The following PLXNB2 variants were observed in gnomAD, a reference collection of about 807,000 sequenced individuals.
The protein encoded by PLXNB2 is plexin B2.
A neutral mutation model predicts 202.6 loss-of-function variants in PLXNB2; 85 were observed. The ratio of observed to expected loss-of-function variants is 0.42; its 90% CI spans 0.35 to 0.50. The LOEUF (loss-of-function observed/expected upper bound fraction) is 0.50, where lower values mean the gene tolerates loss of function less well. PLXNB2 is among the 20% of genes least tolerant of loss of function. The pLI, the probability that PLXNB2 is intolerant of heterozygous loss-of-function variation, is 0.02. For synonymous variants in PLXNB2, 1,239 were observed against 1,137.6 expected (o/e 1.09, Z -1.79); for missense variants, 2,063 against 2,586.2 (o/e 0.80, Z 4.39).
intron 19 of PLXNB2, 47 bp from the exon 20 acceptor site, chr22:50,282,128 T>A: frequency 6.2e-7 from 1 of 1,604,344 alleles, no homozygotes; most frequent in Non-Finnish European, 8.5e-7. Flanking sequence ...GACCCCGCCC[T>A]TCCTGGGCAC....
chr22:50,292,592 C>T (rs534221460), intron 2 of PLXNB2, among the ~76,000 whole-genome samples: 2 of 152,042 alleles, frequency 1.3e-5, no homozygotes, highest in East Asian at 1.9e-4. Context: ...CTTTTGACAA[C>T]CCCCCAAACC....
chr22:50,281,345 G>T lies in PLXNB2; in HGVS notation c.3662+15C>A, dbSNP rs200366239. The T allele has an allele frequency of 6.2e-7, 1 of 1,610,012 alleles. No individual in the cohort carries two copies. The highest frequency in any genetic ancestry group is 8.5e-7 in the Non-Finnish European group (1 of 1,178,706). ...GAGGGCTCAGGGTGTTGGCACAGCCGGGGGGCGGGCTCACCAGTAGCAGTA... is the reference window on the plus strand; with the variant it reads ...GAGGGCTCAGGGTGTTGGCACAGCCTGGGGGCGGGCTCACCAGTAGCAGTA... On this transcript the variant is annotated intron_variant, in intron 22 of 36. Transcript: ENST00000359337.
At position 50,285,879 on chromosome 22, in the gene PLXNB2, A is replaced by C. The variant is rs1010102713; in HGVS notation, c.2009T>G (p.Leu670Arg). The change falls in exon 11 of 37, where the codon CTG (leucine) becomes CGG (arginine). Residue 670 changes from leucine (L) to arginine (R), a missense_variant. Physicochemically the swap from Leu to Arg is moderately radical, Grantham distance 102 (BLOSUM62 -2). Transcript: ENST00000359337. Reference protein sequence around the residue: ...AHMEDSCPQFLGPSPLVIPMN... With the variant: ...AHMEDSCPQFRGPSPLVIPMN... ...GGGGATCACCAGGGGGCTGGGTCCC[A>C]GGAACTGGGGACAGCTGTCCTCCTG... The C allele has an allele frequency of 3.1e-6, 5 of 1,612,514 alleles. No homozygotes were observed. The highest frequency in any genetic ancestry group is 4.2e-6 in the Non-Finnish European group (5 of 1,179,708).
rs2067361456 is a variant in PLXNB2 at position 50,297,437 on chromosome 22, C to T, written c.-73-2659G>A. On this transcript the variant is annotated intron_variant, in intron 1 of 36. Transcript: ENST00000359337. The surrounding 1 kb of genome is among the most constrained non-coding windows in gnomAD (Gnocchi z 5.3). ...CTCCTGGAGGAGGCTTTCTGCCGTC[C>T]TCTTCCCTGGCCCTCACCGTGGAGA... Among the ~76,000 whole-genome samples the T allele has an allele frequency of 6.6e-6, 1 of 152,224 alleles. No individual in the cohort carries two copies. The highest frequency in any genetic ancestry group is 2.4e-5 in the African/African-American group (1 of 41,456).
At chr22:50,294,348 CA>C (rs1490031830) in intron 2 of PLXNB2, among the ~76,000 whole-genome samples, 2 of 150,576 alleles carry the variant, frequency 1.3e-5, no homozygotes, top group Non-Finnish European at 3.0e-5. Flanking sequence ...ACAGCAACTC[CA>C]GCTGCTGCTG....
chr22:50,278,890 C>G lies in PLXNB2; in HGVS notation c.4511G>C (p.Cys1504Ser). 1 of 1,613,076 alleles carries G rather than the reference C, an allele frequency of 6.2e-7. No homozygotes were observed. Among genetic ancestry groups the G allele is most frequent in the Non-Finnish European group, 8.5e-7 (1 of 1,179,600 alleles). The stretch of plus-strand genomic sequence containing the variant: ...GCTGTCTGGCCTGGGCCAGCAGGAG[C>G]AGGGCTGCCCACGGTACACCTGGTC... ...IIDQVYRGQPCSCWPRPDSVV... is the reference protein window; with the variant it reads ...IIDQVYRGQPSSCWPRPDSVV... The change falls in exon 28 of 37, where the codon TGC becomes TCC. Residue 1504 changes from cysteine to serine, a missense_variant. Transcript: ENST00000359337.
intron 1 of PLXNB2, among the ~76,000 whole-genome samples, chr22:50,295,506 CAG>C (rs1464597029): frequency 6.6e-6 from 1 of 152,146 alleles, no homozygotes; most frequent in African/African-American, 2.4e-5. Context: ...CAAAAAGCCT[CAG>C]AGTGTTACAC....
At chr22:50,282,672 T>G (rs1324425950) in intron 18 of PLXNB2, 39 bp downstream of exon 18, 2 of 1,435,084 alleles carry the variant, frequency 1.4e-6, no homozygotes, top group Admixed American at 1.9e-5. Context: ...GGCAGCTGGG[T>G]GTGGGGAGCA....
At chr22:50,292,859 C>T (rs550699436) in intron 2 of PLXNB2, among the ~76,000 whole-genome samples, 1 of 152,370 alleles carries the variant, frequency 6.6e-6, no homozygotes, top group Non-Finnish European at 1.5e-5. Context: ...GCTGCACTGG[C>T]CTTCCTGCTC....
In PLXNB2 at chr22:50,284,747, T is replaced by G; in HGVS notation, c.2089-82A>C. ...CCCAGAACCCCTGCAGCCCCTCCTC[T>G]GTGCCTACAGTGTGGGAGCCCTCTC... On this transcript the variant is annotated intron_variant, in intron 11 of 36. Transcript: ENST00000359337. The surrounding 1 kb of genome is among the most constrained non-coding windows in gnomAD (Gnocchi z 8.0). 1 of 1,037,962 alleles carries G rather than the reference T, an allele frequency of 9.6e-7. No homozygotes were observed. 64.3% of individuals were successfully genotyped at this position (1,037,962 alleles called of 1,614,324 possible). A position where few individuals can be genotyped will look rare whatever the true frequency, so the allele number is the denominator to read the frequency against.
Position 50,283,199 on chromosome 22 carries a change from C to T in PLXNB2, c.2680-13G>A, listed in dbSNP as rs367873722. The T allele has an allele frequency of 1.3e-6, 2 of 1,599,670 alleles. No individual in the cohort carries two copies. Among genetic ancestry groups the T allele is most frequent in the South Asian group, 2.2e-5 (2 of 89,858 alleles). On this transcript the variant is annotated splice_polypyrimidine_tract_variant and intron_variant, in intron 16 of 36. Coordinates refer to ENST00000359337, the MANE Select transcript of PLXNB2 (RefSeq NM_012401.4). ...GAGGCTTGGGCTGCTGAAAGAGCCG[C>T]AGGGGCACTCGGGTGAGGACGGGGC...
rs2065917986 is a variant in PLXNB2, at chr22:50,280,650, G to A, written c.4014C>T (p.Asn1338=). The A allele has an allele frequency of 1.2e-6, 2 of 1,612,448 alleles. No individual in the cohort carries two copies. Among genetic ancestry groups the A allele is most frequent in the African/African-American group, 1.3e-5 (1 of 75,050 alleles). ...TGGCGCGGGCCGAGAACTCCCGCTG[G>A]TTCTCCAGGGTGTGGATGAACTGTA... ...FLINFIHTLE[N]QREFSARAKV... is the part of the protein sequence containing the mutation. The change falls in exon 25 of 37, where the codon AAC becomes AAT. Residue 1338 remains asparagine, a synonymous_variant. Transcript: ENST00000359337.
Position 50,282,793 on chromosome 22 carries a change from G to A in PLXNB2, c.2905C>T (p.Pro969Ser). Residue 969 changes from proline (P) to serine (S), a missense_variant, in exon 18 of 37, where the codon CCC (proline) becomes TCC (serine). Coordinates refer to ENST00000359337, the MANE Select transcript of PLXNB2 (RefSeq NM_012401.4). ...MLLEVSYGGS[P>S]VPNPGIFFTY... ...AAGAAGATGCCGGGGTTGGGCACGG[G>A]GGACCCCCCGTAGGAGACCTCCAGA... 6.2e-7 allele frequency: 1 copy of A among 1,609,132 alleles called. No individual in the cohort carries two copies. Among genetic ancestry groups the A allele is most frequent in the South Asian group, 1.1e-5 (1 of 90,950 alleles).
intron 35 of PLXNB2, among the ~76,000 whole-genome samples, chr22:50,276,306 G>A (rs1261844210): frequency 2.0e-5 from 3 of 147,750 alleles, no homozygotes; most frequent in African/African-American, 7.5e-5. Context: ...CTGTGGACAC[G>A]GCCGTGGATG....
rs535089070 is a variant in PLXNB2 at position 50,278,835 on chromosome 22, G to C, written c.4546+20C>G. The C allele has an allele frequency of 1.2e-6, 2 of 1,605,012 alleles. No individual in the cohort carries two copies. Among genetic ancestry groups the C allele is most frequent in the Admixed American group, 1.7e-5 (1 of 59,748 alleles). ...GGCACATGGGCGCCTGTGTGCAGAC[G>C]GGCAGGGGCCGGCACTCACCCAGGA... is the stretch of plus-strand genomic sequence containing the variant. On this transcript the variant is annotated intron_variant, in intron 28 of 36. Coordinates refer to ENST00000359337, the MANE Select transcript of PLXNB2 (RefSeq NM_012401.4).
chr22:50,304,352 G>A (rs2067810586), intron 1 of PLXNB2, among the ~76,000 whole-genome samples: 1 of 152,202 alleles, frequency 6.6e-6, no homozygotes, highest in Non-Finnish European at 1.5e-5. Context: ...GGCCAGACGG[G>A]AGGGGCCCAG....
intron 1 of PLXNB2, among the ~76,000 whole-genome samples, chr22:50,296,768 A>G (rs1418790793): frequency 6.6e-6 from 1 of 152,082 alleles, no homozygotes; most frequent in Admixed American, 6.5e-5. Flanking sequence ...GTTGTGTGCC[A>G]GCAAAGCACC....
At chr22:50,304,974 G>C (rs573596753) in intron 1 of PLXNB2, among the ~76,000 whole-genome samples, 1 of 152,366 alleles carries the variant, frequency 6.6e-6, no homozygotes, top group African/African-American at 2.4e-5. Flanking sequence ...AGGGCGGCCA[G>C]GCTGCAGCCA....
At chr22:50,304,844 G>A (rs1387492792) in intron 1 of PLXNB2, among the ~76,000 whole-genome samples, 1 of 152,172 alleles carries the variant, frequency 6.6e-6, no homozygotes, top group Non-Finnish European at 1.5e-5. Context: ...GAGAAGGGAG[G>A]TCAAGGCTGG....
Sources: allele counts gnomAD v4.1 joint callset (sites outside exome capture counted in the v4.1 genomes callset), GRCh38; gene constraint gnomAD v4.1.1; non-coding constraint Gnocchi (gnomAD v3.1); transcripts MANE v1.5; gene names NCBI Gene and HGNC (gene_info 2026-07-23, HGNC 2026-07-21).